SDK1: variants seen among roughly 807,000 people sequenced by gnomAD.
SDK1 encodes protein sidekick-1.
SDK1 carries 157 observed loss-of-function variants against 245.5 expected under a neutral mutation model. The ratio of observed to expected loss-of-function variants is 0.64; its 90% CI spans 0.56 to 0.73. The LOEUF (loss-of-function observed/expected upper bound fraction) is 0.73. Among genes scored for constraint, SDK1 ranks in the 30% least tolerant of loss-of-function variants. The probability of loss-of-function intolerance (pLI) is 0.00; values close to 1 mark genes in which losing one functional copy is unlikely to be tolerated. For synonymous variants in SDK1, 1,647 were observed against 1,278.5 expected (o/e 1.29, Z -6.15); for missense variants, 3,583 against 3,002.3 (o/e 1.19, Z -4.52).
At chr7:4,216,406 C>T (rs535823374) in intron 38 of SDK1, among the ~76,000 whole-genome samples, 8 of 152,268 alleles carry the variant, frequency 5.3e-5, no homozygotes, top group East Asian at 1.9e-4. Context: ...TGCTCCTCCC[C>T]GAGGCCCCTA....
At chr7:4,044,673 G>C (rs1463013408) in intron 17 of SDK1, among the ~76,000 whole-genome samples, 1 of 151,998 alleles carries the variant, frequency 6.6e-6, no homozygotes, top group Non-Finnish European at 1.5e-5. Flanking sequence ...TCAAACTCCT[G>C]GGCTCAAGCG....
chr7:4,116,916 C>A (rs1783751549), intron 25 of SDK1, among the ~76,000 whole-genome samples: 1 of 152,210 alleles, frequency 6.6e-6, no homozygotes, highest in Non-Finnish European at 1.5e-5. Context: ...CTCGGCTCTC[C>A]TTCAGACTGA....
rs77442023 is a variant in SDK1 at position 3,783,017 on chromosome 7, T to C, written c.714-38433T>C. 5.8e-3 allele frequency among the ~76,000 whole-genome samples: 880 copies of C among 152,308 alleles called. 7 individuals are homozygous for C. Among genetic ancestry groups the C allele is most frequent in the African/African-American group, 0.02 (823 of 41,562 alleles). On this transcript the variant is annotated intron_variant, in intron 4 of 44. Transcript: ENST00000404826. ...ATTCAACAACACATTAAAGGGATCA[T>C]TCATCATGATCAAGTGGGATTTATT...
intron 14 of SDK1, among the ~76,000 whole-genome samples, chr7:4,009,601 A>T (rs1485407705): frequency 1.3e-5 from 2 of 152,278 alleles, no homozygotes; most frequent in Non-Finnish European, 2.9e-5. Flanking sequence ...GAACGCTGAA[A>T]TGCCCAGCTG....
intron 44 of SDK1, among the ~76,000 whole-genome samples, chr7:4,261,937 G>A (rs1369966800): frequency 6.6e-6 from 1 of 151,258 alleles, no homozygotes; most frequent in Non-Finnish European, 1.5e-5. Context: ...TGCATCGGGA[G>A]GATGTGGCAC....
At chr7:3,626,010 C>T (rs1782106901) in intron 2 of SDK1, among the ~76,000 whole-genome samples, 1 of 141,472 alleles carries the variant, frequency 7.1e-6, no homozygotes, top group African/African-American at 2.7e-5. Flanking sequence ...GTAGTGTAAT[C>T]ATAGCTCATT....
chr7:3,883,742 C>G (rs890026849), intron 5 of SDK1, among the ~76,000 whole-genome samples: 1 of 136,856 alleles, frequency 7.3e-6, no homozygotes, highest in African/African-American at 2.8e-5. Flanking sequence ...GGGATCATCA[C>G]TCTTCCTCCA....
At chr7:3,723,982 A>G (rs908409366) in intron 4 of SDK1, among the ~76,000 whole-genome samples, 1 of 150,546 alleles carries the variant, frequency 6.6e-6, no homozygotes, top group Non-Finnish European at 1.5e-5. Context: ...AGAGAGAAAG[A>G]GAGAGAGAGT....
chr7:3,610,297 C>G (rs188014663), intron 1 of SDK1, among the ~76,000 whole-genome samples: 1 of 152,082 alleles, frequency 6.6e-6, no homozygotes, highest in Admixed American at 6.6e-5. Context: ...TTTTCTTGGA[C>G]CTTTCAGTTT....
At chr7:3,802,850 C>G (rs1779140606) in intron 4 of SDK1, among the ~76,000 whole-genome samples, 1 of 152,178 alleles carries the variant, frequency 6.6e-6, no homozygotes, top group Non-Finnish European at 1.5e-5. Context: ...TAACTCTTCA[C>G]CAATTGAGGA....
At chr7:3,410,957 A>G (rs1346412016) in intron 1 of SDK1, among the ~76,000 whole-genome samples, 1 of 152,154 alleles carries the variant, frequency 6.6e-6, no homozygotes, top group Non-Finnish European at 1.5e-5. Flanking sequence ...CAGAGGCTTC[A>G]TGGTGTAGAG....
chr7:4,215,147 C>T (rs1784721212), intron 38 of SDK1, among the ~76,000 whole-genome samples: 3 of 152,250 alleles, frequency 2.0e-5, no homozygotes, highest in Non-Finnish European at 4.4e-5. Context: ...CGACAAGCCA[C>T]ATCCCGTACC....
chr7:3,464,861 T>C (rs773829487), intron 1 of SDK1, among the ~76,000 whole-genome samples: 17 of 152,180 alleles, frequency 1.1e-4, no homozygotes, highest in Non-Finnish European at 2.2e-4. Context: ...GACAATGATA[T>C]TACATGTTAA....
chr7:4,029,922 G>A (rs757511286), intron 17 of SDK1, among the ~76,000 whole-genome samples: 2 of 152,158 alleles, frequency 1.3e-5, no homozygotes, highest in Non-Finnish European at 2.9e-5. Context: ...TGCTGCACTC[G>A]GATACAACAA....
Position 3,845,415 on chromosome 7 carries a change from G to C in SDK1, c.847+23832G>C, listed in dbSNP as rs185518513. On this transcript the variant is annotated intron_variant, in intron 5 of 44. Transcript: ENST00000404826. ...AGAGGCAGGAGAATCGCTTGAACCC[G>C]GGTGGCAGAGGTTGCAGTGAGCCGA... 7.7e-4 allele frequency among the ~76,000 whole-genome samples: 116 copies of C among 151,068 alleles called. 1 individual carries two copies. In the East Asian group the frequency reaches 0.021, roughly 27 times the overall value.
chr7:3,970,374 A>C (rs949042768), intron 11 of SDK1, among the ~76,000 whole-genome samples: 7 of 152,240 alleles, frequency 4.6e-5, no homozygotes. Context: ...AAAGGAAATT[A>C]ATCCAAGTTC....
intron 1 of SDK1, among the ~76,000 whole-genome samples, chr7:3,556,107 T>C (rs1779578907): frequency 6.6e-6 from 1 of 152,200 alleles, no homozygotes; most frequent in South Asian, 2.1e-4. Flanking sequence ...CGAAGAGGTA[T>C]CTGTACTTCT....
intron 5 of SDK1, among the ~76,000 whole-genome samples, chr7:3,873,051 G>C (rs559281059): frequency 6.6e-6 from 1 of 151,720 alleles, no homozygotes; most frequent in Non-Finnish European, 1.5e-5. Flanking sequence ...TCATGTCTTC[G>C]TATTTATCCC....
chr7:3,945,899 T>TAA (rs754101246), intron 5 of SDK1, among the ~76,000 whole-genome samples: 749 of 13,662 alleles, frequency 0.055, 234 homozygotes, highest in East Asian at 0.2. Context: ...ACTCTGTCTG[T>TAA]AAAAAAAAAA....
Sources: gnomAD v4.1 joint callset for allele counts (sites outside exome capture counted in the v4.1 genomes callset) on GRCh38, gnomAD v4.1.1 for gene constraint, MANE v1.5 for transcripts, NCBI Gene and HGNC (gene_info 2026-07-23, HGNC 2026-07-21) for gene names.